The following CCDC93 variants were observed in gnomAD, a reference collection of about 807,000 sequenced individuals.
CCDC93 encodes coiled-coil domain-containing protein 93.
A neutral mutation model predicts 108.2 loss-of-function variants in CCDC93; 61 were observed. The observed-to-expected ratio is 0.56, with a 90% confidence interval of 0.46 to 0.70. CCDC93 has a LOEUF of 0.70. CCDC93 is among the 30% of genes least tolerant of loss of function. CCDC93 has a pLI of 0.00. For missense variants in CCDC93, 685 were observed against 764.2 expected (o/e 0.90, Z 1.22); for synonymous variants, 276 against 260.4 (o/e 1.06, Z -0.58).
chr2:117,974,517 A>T (rs1466420757), intron 10 of CCDC93, among the ~76,000 whole-genome samples: 1 of 152,030 alleles, frequency 6.6e-6, no homozygotes, highest in Non-Finnish European at 1.5e-5. Flanking sequence ...CTTCCTACCT[A>T]GATAGTGTAG....
chr2:117,995,986 T>C (rs1475864830), intron 5 of CCDC93, among the ~76,000 whole-genome samples: 1 of 151,986 alleles, frequency 6.6e-6, no homozygotes, highest in Non-Finnish European at 1.5e-5. Flanking sequence ...ATTGTTACTA[T>C]AGGATGTTCT....
chr2:118,013,616 G>A (rs1013796993), intron 1 of CCDC93, among the ~76,000 whole-genome samples: 3 of 152,178 alleles, frequency 2.0e-5, no homozygotes, highest in African/African-American at 4.8e-5. Flanking sequence ...GGCGCGGGGT[G>A]GGGGAGCCCG....
At chr2:117,940,843 T>C (rs571152133) in intron 19 of CCDC93, among the ~76,000 whole-genome samples, 1 of 152,176 alleles carries the variant, frequency 6.6e-6, no homozygotes, top group South Asian at 2.1e-4. Flanking sequence ...AGAAGAACAA[T>C]GAATGAGGAC....
At chr2:117,950,482 T>C (rs1307544951) in intron 13 of CCDC93, 68 of 985,436 alleles carry the variant, frequency 6.9e-5, no homozygotes, top group Non-Finnish European at 7.8e-5. Context: ...CAGGCACCAC[T>C]GCTGTCTGCA....
intron 6 of CCDC93, among the ~76,000 whole-genome samples, chr2:117,994,313 C>G (rs192889030): frequency 1.8e-4 from 27 of 152,294 alleles, no homozygotes; most frequent in Admixed American, 1.6e-3. Context: ...ACTCTGAGGT[C>G]ATATCATTTT....
In CCDC93 at chr2:117,988,787, T is replaced by C. The variant is rs554294169; in HGVS notation, c.520-2718A>G. ...ATTGACTGAAAGAAATGATGAAAGA[T>C]GGATGGATGGCAATCATTTCTGTAG... On this transcript the variant is annotated intron_variant, in intron 6 of 23. Coordinates refer to ENST00000376300, the MANE Select transcript of CCDC93 (RefSeq NM_019044.5). Among the ~76,000 whole-genome samples, 3 of 152,330 alleles carry C rather than the reference T, an allele frequency of 2.0e-5. No homozygotes were observed. The South Asian group carries it at 6.2e-4, about 32-fold the overall frequency.
intron 3 of CCDC93, among the ~76,000 whole-genome samples, chr2:118,006,488 A>G (rs573239755): frequency 1.3e-5 from 2 of 152,326 alleles, no homozygotes; most frequent in South Asian, 4.1e-4. Context: ...ATCAACTTCC[A>G]CTGATATGAG....
chr2:117,980,436 C>A (rs1461310541), intron 7 of CCDC93, among the ~76,000 whole-genome samples: 1 of 152,162 alleles, frequency 6.6e-6, no homozygotes, highest in Non-Finnish European at 1.5e-5. Flanking sequence ...CCAGGGACTT[C>A]ACGGATTTTC....
At chr2:117,969,215 G>T (rs1679683466) in intron 11 of CCDC93, among the ~76,000 whole-genome samples, 1 of 152,216 alleles carries the variant, frequency 6.6e-6, no homozygotes, top group African/African-American at 2.4e-5. Flanking sequence ...TAGCTTTGAT[G>T]AAATAAGTGG....
At position 117,974,909 on chromosome 2, in the gene CCDC93, G is replaced by A; in HGVS notation, c.751-9C>T. The A allele has an allele frequency of 1.3e-6, 2 of 1,542,498 alleles. No individual in the cohort carries two copies. Among genetic ancestry groups the A allele is most frequent in the Non-Finnish European group, 8.8e-7 (1 of 1,135,862 alleles). ...AGCGACTGAATACGCTGCTGAAAGAGGAATGGAAGGGAGCAGCAGTGAGTG... is the reference window on the plus strand; with the variant it reads ...AGCGACTGAATACGCTGCTGAAAGAAGAATGGAAGGGAGCAGCAGTGAGTG... On this transcript the variant is annotated splice_polypyrimidine_tract_variant and intron_variant, in intron 9 of 23. Coordinates refer to ENST00000376300, the MANE Select transcript of CCDC93 (RefSeq NM_019044.5).
At chr2:117,947,199 A>G (rs994239329) in intron 15 of CCDC93, among the ~76,000 whole-genome samples, 2 of 152,208 alleles carry the variant, frequency 1.3e-5, no homozygotes, top group African/African-American at 4.8e-5. Flanking sequence ...TCCTCTCTCC[A>G]GCAGGCCTCA....
At chr2:118,005,859 GTATAAA>G (rs934627703) in intron 3 of CCDC93, among the ~76,000 whole-genome samples, 4 of 151,986 alleles carry the variant, frequency 2.6e-5, no homozygotes, top group African/African-American at 9.7e-5. Context: ...GGAAAATGCT[GTATAAA>G]TATAAAGTAA....
At chr2:117,980,104 G>T (rs1204384193) in intron 7 of CCDC93, among the ~76,000 whole-genome samples, 3 of 152,136 alleles carry the variant, frequency 2.0e-5, no homozygotes, top group Non-Finnish European at 2.9e-5. Context: ...TATAGCACCA[G>T]CTTCCCAATC....
At chr2:117,937,914 T>C (rs1201281499) in intron 20 of CCDC93, among the ~76,000 whole-genome samples, 2 of 152,240 alleles carry the variant, frequency 1.3e-5, no homozygotes, top group Admixed American at 6.5e-5. Context: ...GACAGAGATC[T>C]ACCTGGTTTG....
Position 117,950,686 on chromosome 2 carries a change from C to T in CCDC93, c.1069-1291G>A, listed in dbSNP as rs866898330. 18 of 985,406 alleles carry T rather than the reference C, an allele frequency of 1.8e-5. No homozygotes were observed. The Middle Eastern group carries it at 3.1e-3, about 172-fold the overall frequency. The allele number at this position is 985,406 out of a possible 1,614,324, so 61.0% of individuals were successfully genotyped here. A position where few individuals can be genotyped will look rare whatever the true frequency, so the allele number is the denominator to read the frequency against. On this transcript the variant is annotated intron_variant, in intron 13 of 23. Coordinates refer to ENST00000376300, the MANE Select transcript of CCDC93 (RefSeq NM_019044.5). ...CTTGATAGGTAAGGAGAACCAGGCC[C>T]AGAGGTGAAAAACATTAATTACGCA... is the stretch of plus-strand genomic sequence containing the variant.
intron 11 of CCDC93, among the ~76,000 whole-genome samples, chr2:117,966,158 T>C (rs186496848): frequency 1.9e-3 from 289 of 152,290 alleles, no homozygotes; most frequent in Non-Finnish European, 3.5e-3. Flanking sequence ...CCCATATCTG[T>C]TGGTAGAAAA....
At chr2:117,954,806 G>C (rs1679165528) in intron 12 of CCDC93, among the ~76,000 whole-genome samples, 1 of 152,208 alleles carries the variant, frequency 6.6e-6, no homozygotes, top group Admixed American at 6.5e-5. Flanking sequence ...GTAATTGGAT[G>C]ATGGGGGTGG....
At chr2:117,957,482 CTCCT>C (rs1679257471) in intron 12 of CCDC93, among the ~76,000 whole-genome samples, 1 of 152,208 alleles carries the variant, frequency 6.6e-6, no homozygotes, top group Non-Finnish European at 1.5e-5. Context: ...TTGCATCAGC[CTCCT>C]ACCTGTTGTC....
At chr2:117,954,775 C>T (rs1007237417) in intron 12 of CCDC93, among the ~76,000 whole-genome samples, 14 of 152,170 alleles carry the variant, frequency 9.2e-5, no homozygotes, top group African/African-American at 2.9e-4. Flanking sequence ...CCCCACGTGT[C>T]GTGGGAGGGA....
Sources: gnomAD v4.1 joint callset for allele counts (sites outside exome capture counted in the v4.1 genomes callset) on GRCh38, gnomAD v4.1.1 for gene constraint, MANE v1.5 for transcripts, NCBI Gene and HGNC (gene_info 2026-07-23, HGNC 2026-07-21) for gene names.